Variants in BTBD10 observed in about 807,000 individuals in gnomAD.
The protein encoded by BTBD10 is BTB/POZ domain-containing protein 10.
In BTBD10, 21 loss-of-function variants were observed where a neutral mutation model predicts 53.2. The observed-to-expected ratio is 0.39, with a 90% CI of 0.28 to 0.57. The LOEUF (loss-of-function observed/expected upper bound fraction) is 0.57, where lower values mean the gene tolerates loss of function less well. Among genes scored for constraint, BTBD10 ranks in the 20% least tolerant of loss-of-function variants. BTBD10 has a pLI of 0.53. For synonymous variants in BTBD10, 149 were observed against 192.7 expected, an observed-to-expected ratio of 0.77 and a Z score of 1.88; for missense variants, 360 against 594.7, an observed-to-expected ratio of 0.61 and a Z score of 4.10.
intron 1 of BTBD10, among the ~76,000 whole-genome samples, chr11:13,447,121 C>T (rs1168661068): frequency 6.6e-6 from 1 of 151,978 alleles, no homozygotes; most frequent in Non-Finnish European, 1.5e-5. Context: ...CTTTCTTTCT[C>T]TTCTTTTCTT....
intron 8 of BTBD10, 99 bp from the exon 9 acceptor site, chr11:13,389,240 A>G: frequency 1.0e-6 from 1 of 974,340 alleles, no homozygotes; most frequent in South Asian, 1.7e-5. Flanking sequence ...CTAAAGAAAC[A>G]AATTTAAAAC....
At chr11:13,398,489 T>C (rs1190615187) in intron 8 of BTBD10, among the ~76,000 whole-genome samples, 1 of 152,224 alleles carries the variant, frequency 6.6e-6, no homozygotes, top group African/African-American at 2.4e-5. Context: ...GTCTTGACTC[T>C]TTATCCAATT....
intron 2 of BTBD10, chr11:13,440,078 C>G: frequency 6.6e-7 from 1 of 1,525,408 alleles, no homozygotes; most frequent in South Asian, 1.2e-5. Flanking sequence ...CAGAAAATTC[C>G]CCAGTCTCCC....
intron 2 of BTBD10, among the ~76,000 whole-genome samples, chr11:13,442,139 T>A (rs1950665772): frequency 6.6e-6 from 1 of 152,194 alleles, no homozygotes; most frequent in Admixed American, 6.6e-5. Context: ...CTGGATTTCT[T>A]ATTTAAAAGA....
At chr11:13,394,074 T>C (rs1949474065) in intron 8 of BTBD10, among the ~76,000 whole-genome samples, 1 of 152,168 alleles carries the variant, frequency 6.6e-6, no homozygotes, top group Admixed American at 6.5e-5. Context: ...GCAAAAATTA[T>C]CAACTAGAAT....
intron 6 of BTBD10, among the ~76,000 whole-genome samples, chr11:13,406,559 G>A (rs1426703400): frequency 7.0e-6 from 1 of 143,868 alleles, no homozygotes; most frequent in East Asian, 2.0e-4. Flanking sequence ...ATACGCATGA[G>A]TGAGAGAGAG....
intron 2 of BTBD10, among the ~76,000 whole-genome samples, chr11:13,442,229 C>T (rs1950668114): frequency 6.6e-6 from 1 of 151,902 alleles, no homozygotes; most frequent in East Asian, 1.9e-4. Flanking sequence ...ACACAATATT[C>T]AAAAAAGGAA....
chr11:13,451,163 G>A (rs1950851037), intron 1 of BTBD10, among the ~76,000 whole-genome samples: 1 of 152,104 alleles, frequency 6.6e-6, no homozygotes, highest in Admixed American at 6.5e-5. Flanking sequence ...AAATACACAT[G>A]TACGGGAGGT....
chr11:13,399,239 T>C (rs1037255812), intron 8 of BTBD10, among the ~76,000 whole-genome samples: 5 of 152,170 alleles, frequency 3.3e-5, no homozygotes, highest in African/African-American at 9.7e-5. Flanking sequence ...GGAGGCTTTG[T>C]TCGTTTCTTT....
chr11:13,436,028 T>C (rs1432321549), intron 2 of BTBD10, among the ~76,000 whole-genome samples: 1 of 152,202 alleles, frequency 6.6e-6, no homozygotes, highest in African/African-American at 2.4e-5. Flanking sequence ...TCCTAAGAAA[T>C]ATCCACAGAA....
At chr11:13,392,561 AT>A (rs199502059) in intron 8 of BTBD10, among the ~76,000 whole-genome samples, 107 of 147,592 alleles carry the variant, frequency 7.2e-4, no homozygotes, top group African/African-American at 1.6e-3. Flanking sequence ...AGAAGCTCAG[AT>A]TTTTTTTTTT....
At chr11:13,404,262 A>C (rs1949769994) in intron 7 of BTBD10, among the ~76,000 whole-genome samples, 1 of 152,160 alleles carries the variant, frequency 6.6e-6, no homozygotes, top group African/African-American at 2.4e-5. Context: ...TCCTCAAATG[A>C]ATCTTCTTTA....
chr11:13,416,117 C>A (rs375930242), intron 5 of BTBD10, among the ~76,000 whole-genome samples: 8 of 151,802 alleles, frequency 5.3e-5, no homozygotes, highest in African/African-American at 1.9e-4. Context: ...TTTGGGAGGC[C>A]AAGGCAGGAG....
intron 4 of BTBD10, among the ~76,000 whole-genome samples, chr11:13,417,911 T>A (rs1427408421): frequency 6.6e-6 from 1 of 152,092 alleles, no homozygotes; most frequent in African/African-American, 2.4e-5. Context: ...AAAATACAAA[T>A]GACTTTATGA....
chr11:13,461,425 T>C (rs1015146627), intron 1 of BTBD10, among the ~76,000 whole-genome samples: 2 of 152,208 alleles, frequency 1.3e-5, no homozygotes, highest in Non-Finnish European at 2.9e-5. Flanking sequence ...GCATAGTGCA[T>C]TTCCCTCATT....
intron 2 of BTBD10, 72 bp from the exon 3 acceptor site, chr11:13,421,910 C>A: frequency 4.7e-6 from 6 of 1,265,882 alleles, no homozygotes; most frequent in South Asian, 3.4e-5. Flanking sequence ...AAGAAACACC[C>A]AAGTAACAAA....
At chr11:13,446,084 T>C (rs1950745380) in intron 1 of BTBD10, among the ~76,000 whole-genome samples, 1 of 152,164 alleles carries the variant, frequency 6.6e-6, no homozygotes, top group Non-Finnish European at 1.5e-5. Flanking sequence ...ACTAAAGTAT[T>C]TGTTTGGAAA....
At chr11:13,449,887 C>T (rs1950823642) in intron 1 of BTBD10, among the ~76,000 whole-genome samples, 2 of 152,204 alleles carry the variant, frequency 1.3e-5, no homozygotes. Context: ...ACCCTCATGA[C>T]TCAATCAGCA....
chr11:13,420,192 A>C (rs1193636591), intron 3 of BTBD10, among the ~76,000 whole-genome samples: 1 of 152,172 alleles, frequency 6.6e-6, no homozygotes, highest in Non-Finnish European at 1.5e-5. Flanking sequence ...GAGAACACAA[A>C]GTACAATCTT....
Sources: gnomAD v4.1 joint callset for allele counts (sites outside exome capture counted in the v4.1 genomes callset) on GRCh38, gnomAD v4.1.1 for gene constraint, MANE v1.5 for transcripts, NCBI Gene and HGNC (gene_info 2026-07-23, HGNC 2026-07-21) for gene names.